TMEM222: variants seen among roughly 807,000 people sequenced by gnomAD.
TMEM222 encodes transmembrane protein 222.
TMEM222 carries 18 observed loss-of-function variants against 25.1 expected under a neutral mutation model. That is an observed-to-expected ratio of 0.72 (90% CI 0.50 to 1.06). TMEM222 has a LOEUF of 1.06. Among genes scored for constraint, TMEM222 ranks in the 50% least tolerant of loss-of-function variants. TMEM222 has a pLI of 0.00. For missense variants in TMEM222, 296 were observed against 293.7 expected, an observed-to-expected ratio of 1.01 and a Z score of -0.06; for synonymous variants, 131 against 117.9, an observed-to-expected ratio of 1.11 and a Z score of -0.72.
intron 3 of TMEM222, chr1:27,332,816 C>G (rs41291076): frequency 0.015 from 6,333 of 429,416 alleles, 76 homozygotes; most frequent in Admixed American, 0.021. Flanking sequence ...CCAGGAGTCT[C>G]TGGGCCACCA....
At chr1:27,325,825 G>T in intron 1 of TMEM222, 1 of 801,176 alleles carries the variant, frequency 1.2e-6, no homozygotes, top group Admixed American at 1.7e-5. Context: ...CGTAGCATTT[G>T]CTGCATGGGT....
intron 1 of TMEM222, among the ~76,000 whole-genome samples, chr1:27,329,317 C>T (rs191464052): frequency 2.6e-5 from 4 of 152,006 alleles, no homozygotes; most frequent in African/African-American, 7.2e-5. Flanking sequence ...CTCATGTAAC[C>T]GCCACCCAGA....
chr1:27,324,024 A>G (rs1271194107), intron 1 of TMEM222, among the ~76,000 whole-genome samples: 2 of 151,988 alleles, frequency 1.3e-5, no homozygotes, highest in African/African-American at 4.8e-5. Context: ...AAAATAAAAT[A>G]TTAGTGTGAA....
chr1:27,322,365 G>A lies in TMEM222; in HGVS notation c.168G>A (p.Val56=), dbSNP rs964428952. ...AACGGAGTCGCTTCCCCTACTGCGT[G>A]GTGTGGACGCCCATCCCGGTGCTCA... ...DVERSRFPYC[V]VWTPIPVLTW... The change falls in exon 1 of 6, where the codon GTG becomes GTA. Residue 56 remains valine, a synonymous_variant. Transcript: ENST00000374076. The A allele has an allele frequency of 2.7e-6, 4 of 1,485,332 alleles. No individual in the cohort carries two copies. The African/African-American group carries it at 5.8e-5, about 21-fold the overall frequency. The allele number at this position is 1,485,332 out of a possible 1,614,324, so 92.0% of individuals were successfully genotyped here.
intron 1 of TMEM222, among the ~76,000 whole-genome samples, chr1:27,322,637 C>T (rs1429376975): frequency 6.6e-6 from 1 of 152,224 alleles, no homozygotes; most frequent in Non-Finnish European, 1.5e-5. Context: ...CAGGAAAGGG[C>T]AAGTGGCTGG....
intron 1 of TMEM222, among the ~76,000 whole-genome samples, chr1:27,324,814 T>G (rs1571004676): frequency 6.7e-6 from 1 of 149,962 alleles, no homozygotes. Flanking sequence ...CAAGAGGGAG[T>G]GAGGGGGGAG....
chr1:27,325,721 C>A, intron 1 of TMEM222: 1 of 884,788 alleles, frequency 1.1e-6, no homozygotes, highest in Non-Finnish European at 1.9e-6. Context: ...CACTGTCCAC[C>A]TTCCAGCAGA....
At position 27,325,787 on chromosome 1, in the gene TMEM222, A is replaced by G. The variant is rs1202361424; in HGVS notation, c.194+3396A>G. 3.7e-6 allele frequency: 3 copies of G among 807,160 alleles called. No individual in the cohort carries two copies. In the African/African-American group the frequency reaches 5.0e-5, roughly 14 times the overall value. 50.0% of individuals were successfully genotyped at this position (807,160 alleles called of 1,614,324 possible). A position where few individuals can be genotyped will look rare whatever the true frequency, so the allele number is the denominator to read the frequency against. ...CAGGCCCCTGTATCGTCCACCGCAA[A>G]TGCTTCTAAATGGACTGCGAGCCGA... On this transcript the variant is annotated intron_variant, in intron 1 of 5. Coordinates refer to ENST00000374076, the MANE Select transcript of TMEM222 (RefSeq NM_032125.3).
chr1:27,325,586 C>T (rs878894371), intron 1 of TMEM222: 21 of 1,024,770 alleles, frequency 2.0e-5, no homozygotes, highest in Non-Finnish European at 2.9e-5. Context: ...CCACCATGTA[C>T]CCGGGCATCA....
chr1:27,325,783 G>A (rs934682982), intron 1 of TMEM222: 25 of 822,540 alleles, frequency 3.0e-5, no homozygotes, highest in Non-Finnish European at 4.8e-5. Flanking sequence ...ATCGTCCACC[G>A]CAAATGCTTC....
chr1:27,329,975 T>A (rs1382804275), intron 1 of TMEM222, among the ~76,000 whole-genome samples: 3 of 150,434 alleles, frequency 2.0e-5, no homozygotes, highest in South Asian at 2.1e-4. Context: ...GGTGGTGCAC[T>A]CCTGTAGTCC....
chr1:27,332,612 T>C (rs1020180929), intron 3 of TMEM222: 2 of 683,314 alleles, frequency 2.9e-6, no homozygotes, highest in East Asian at 5.4e-5. Flanking sequence ...CTTTGCAGTC[T>C]CGGGTGCCCA....
chr1:27,336,045 T>C lies in TMEM222; in HGVS notation c.*579T>C, dbSNP rs2014599402. Reference sequence around the variant, plus strand: ...GCATCCTCCAGCCCGTGCAGTCCGCTCTTCACTGTTCCACGGCCTCCCAGT... The same window carrying C: ...GCATCCTCCAGCCCGTGCAGTCCGCCCTTCACTGTTCCACGGCCTCCCAGT... On this transcript the variant is annotated 3_prime_UTR_variant, in exon 6 of 6. Transcript: ENST00000374076. The C allele has an allele frequency of 6.4e-6, 1 of 157,470 alleles. No individual in the cohort carries two copies. The highest frequency in any genetic ancestry group is 6.1e-5 in the Admixed American group (1 of 16,432). 9.8% of individuals were successfully genotyped at this position (157,470 alleles called of 1,614,324 possible). A position where few individuals can be genotyped will look rare whatever the true frequency, so the allele number is the denominator to read the frequency against.
At chr1:27,332,141 G>A (rs1463925938) in intron 3 of TMEM222, 40 bp downstream of exon 3, 1 of 1,613,964 alleles carries the variant, frequency 6.2e-7, no homozygotes, top group Non-Finnish European at 8.5e-7. Context: ...CTAGAGGCAG[G>A]TCGCTCCTGC....
chr1:27,334,585 C>A, intron 5 of TMEM222: 2 of 1,443,050 alleles, frequency 1.4e-6, no homozygotes, highest in Non-Finnish European at 9.1e-7. Flanking sequence ...GCAATGATTC[C>A]GGCTCCTCAG....
intron 1 of TMEM222, among the ~76,000 whole-genome samples, chr1:27,326,249 G>A (rs1473878461): frequency 6.6e-6 from 1 of 152,168 alleles, no homozygotes; most frequent in Non-Finnish European, 1.5e-5. Context: ...GGTCTGTCAG[G>A]GTTGGAAAGG....
At position 27,328,079 on chromosome 1, in the gene TMEM222, G is replaced by A. The variant is rs116231193; in HGVS notation, c.195-2641G>A. On this transcript the variant is annotated intron_variant, in intron 1 of 5. Coordinates refer to ENST00000374076, the MANE Select transcript of TMEM222 (RefSeq NM_032125.3). ...ATAAATAACCAAGATAATTTTGGAT[G>A]GTAGTAGATACTATGAGGGAAGTAA... Among the ~76,000 whole-genome samples, 336 of 152,330 alleles carry A rather than the reference G, an allele frequency of 2.2e-3. 4 individuals carry two copies. The highest frequency in any genetic ancestry group is 7.6e-3 in the African/African-American group (315 of 41,572).
At chr1:27,328,549 T>C (rs947773500) in intron 1 of TMEM222, among the ~76,000 whole-genome samples, 12 of 152,306 alleles carry the variant, frequency 7.9e-5, no homozygotes, top group African/African-American at 1.7e-4. Context: ...CTCTCCAGTC[T>C]TCATTTGAAA....
intron 1 of TMEM222, among the ~76,000 whole-genome samples, chr1:27,327,283 C>G (rs755761231): frequency 6.6e-6 from 1 of 152,174 alleles, no homozygotes; most frequent in Non-Finnish European, 1.5e-5. Context: ...TTACTATCCA[C>G]AGAGAGATGG....
Sources: gnomAD v4.1 joint callset for allele counts (sites outside exome capture counted in the v4.1 genomes callset) on GRCh38, gnomAD v4.1.1 for gene constraint, MANE v1.5 for transcripts, NCBI Gene and HGNC (gene_info 2026-07-23, HGNC 2026-07-21) for gene names.